Variants in MRPS6 observed in about 807,000 individuals in gnomAD.
The protein encoded by MRPS6 is mitochondrial ribosomal protein S6.
A neutral mutation model predicts 13.1 loss-of-function variants in MRPS6; 6 were observed. That is an observed-to-expected ratio of 0.46 (90% CI 0.25 to 0.91). MRPS6 has a LOEUF of 0.91. MRPS6 is among the 40% of genes least tolerant of loss of function. The pLI is 0.18. For synonymous variants in MRPS6, 61 were observed against 56.5 expected, an observed-to-expected ratio of 1.08 and a Z score of -0.36; for missense variants, 164 against 155.6, an observed-to-expected ratio of 1.05 and a Z score of -0.29.
rs867884991 is a variant in MRPS6 at position 34,090,962 on chromosome 21, C to A, written c.45+17217C>A. Among the ~76,000 whole-genome samples, 4 of 152,318 alleles carry A rather than the reference C, an allele frequency of 2.6e-5. No individual in the cohort carries two copies. In the South Asian group the frequency reaches 8.3e-4, roughly 32 times the overall value. On this transcript the variant is annotated intron_variant, in intron 1 of 2. Coordinates refer to ENST00000399312, the MANE Select transcript of MRPS6 (RefSeq NM_032476.4). ...TCTGTCTGTTGGGGTGGGGAGAAAA[C>A]AAGCTTGGGTATGCCCATGTTTTTT...
At chr21:34,088,833 AG>A (rs1164845234) in intron 1 of MRPS6, among the ~76,000 whole-genome samples, 2 of 152,074 alleles carry the variant, frequency 1.3e-5, no homozygotes, top group Non-Finnish European at 2.9e-5. Flanking sequence ...AACTAGACAC[AG>A]TACCTAGATG....
intron 1 of MRPS6, among the ~76,000 whole-genome samples, chr21:34,094,701 T>C (rs941911174): frequency 1.3e-5 from 2 of 151,888 alleles, no homozygotes; most frequent in African/African-American, 4.8e-5. Flanking sequence ...TGTGATCATA[T>C]AGATTGCTCT....
intron 2 of MRPS6, among the ~76,000 whole-genome samples, chr21:34,129,565 C>T (rs970384534): frequency 6.6e-6 from 1 of 152,120 alleles, no homozygotes; most frequent in Non-Finnish European, 1.5e-5. Flanking sequence ...ATATAAGATG[C>T]CCTTCTATTT....
At chr21:34,094,596 A>C (rs1345352027) in intron 1 of MRPS6, among the ~76,000 whole-genome samples, 1 of 152,222 alleles carries the variant, frequency 6.6e-6, no homozygotes, top group Non-Finnish European at 1.5e-5. Flanking sequence ...TGTGGTAGGC[A>C]GTTAGCTGCT....
At chr21:34,141,119 T>G (rs998628983) in intron 2 of MRPS6, among the ~76,000 whole-genome samples, 1 of 152,232 alleles carries the variant, frequency 6.6e-6, no homozygotes, top group African/African-American at 2.4e-5. Flanking sequence ...CTGTGAGAGC[T>G]CCACATTTCA....
intron 1 of MRPS6, among the ~76,000 whole-genome samples, chr21:34,112,750 A>G (rs1437643830): frequency 3.9e-5 from 6 of 151,934 alleles, no homozygotes; most frequent in Non-Finnish European, 8.8e-5. Flanking sequence ...TCTGGTAACC[A>G]CCATTCTACT....
chr21:34,125,522 C>T, intron 2 of MRPS6, 42 bp downstream of exon 2: 1 of 1,608,376 alleles, frequency 6.2e-7, no homozygotes, highest in South Asian at 1.1e-5. Context: ...TTTTGATAGG[C>T]TCAGTAAAGA....
chr21:34,136,860 A>C (rs1980721788), intron 2 of MRPS6, among the ~76,000 whole-genome samples: 1 of 152,128 alleles, frequency 6.6e-6, no homozygotes, highest in East Asian at 1.9e-4. Context: ...AAAGCTTCTA[A>C]GTTTTATAGC....
At chr21:34,117,670 CA>C (rs1259906116) in intron 1 of MRPS6, among the ~76,000 whole-genome samples, 2 of 152,078 alleles carry the variant, frequency 1.3e-5, no homozygotes, top group East Asian at 3.8e-4. Context: ...TAAGTTGAAC[CA>C]AAATGGCAAT....
intron 1 of MRPS6, chr21:34,103,202 A>G: frequency 1.0e-6 from 1 of 999,888 alleles, no homozygotes; most frequent in Non-Finnish European, 1.2e-6. Context: ...ATGTGTTTGG[A>G]TTAGTGCCTT....
chr21:34,125,312 C>A, intron 1 of MRPS6, 29 bp from the exon 2 acceptor site: 1 of 1,593,972 alleles, frequency 6.3e-7, no homozygotes, highest in African/African-American at 1.4e-5. Context: ...GCTTTTTTTT[C>A]TTTTCTTTAA....
chr21:34,115,466 G>A (rs1276883193), intron 1 of MRPS6, among the ~76,000 whole-genome samples: 2 of 152,154 alleles, frequency 1.3e-5, no homozygotes, highest in Non-Finnish European at 2.9e-5. Context: ...CTGGATTCCA[G>A]TTTTTCCTCT....
chr21:34,120,685 CATTTAT>C (rs1172520314), intron 1 of MRPS6, among the ~76,000 whole-genome samples: 5 of 152,082 alleles, frequency 3.3e-5, no homozygotes, highest in East Asian at 3.9e-4. Flanking sequence ...GTAATTTTAA[CATTTAT>C]ATTTATATGT....
At chr21:34,109,194 G>A (rs1243538554) in intron 1 of MRPS6, among the ~76,000 whole-genome samples, 3 of 151,776 alleles carry the variant, frequency 2.0e-5, no homozygotes, top group East Asian at 1.9e-4. Context: ...AGGTACTGTC[G>A]TCTTCCACTC....
intron 1 of MRPS6, chr21:34,101,358 A>G (rs1221016564): frequency 2.0e-6 from 2 of 1,000,182 alleles, no homozygotes; most frequent in Non-Finnish European, 2.4e-6. Context: ...AGCATTATAA[A>G]GTACGAAGTT....
intron 1 of MRPS6, chr21:34,100,870 T>C (rs1370163262): frequency 1.0e-6 from 1 of 1,000,090 alleles, no homozygotes; most frequent in African/African-American, 1.7e-5. Flanking sequence ...AAGCGGCTTA[T>C]TAGCTACTCA....
intron 1 of MRPS6, among the ~76,000 whole-genome samples, chr21:34,082,964 T>G (rs976374354): frequency 6.6e-6 from 1 of 152,106 alleles, no homozygotes; most frequent in Admixed American, 6.5e-5. Context: ...AAAATGAAAT[T>G]GCAAGTGAAA....
chr21:34,100,654 T>A, intron 1 of MRPS6: 3 of 1,000,220 alleles, frequency 3.0e-6, no homozygotes, highest in Non-Finnish European at 3.6e-6. Flanking sequence ...AACTTCACAT[T>A]TTAAGAACTG....
chr21:34,130,025 G>T (rs185036239), intron 2 of MRPS6, among the ~76,000 whole-genome samples: 1 of 152,282 alleles, frequency 6.6e-6, no homozygotes, highest in South Asian at 2.1e-4. Context: ...TAACTGAGAC[G>T]GTCTAGGAAC....
Sources: gnomAD v4.1 joint callset for allele counts (sites outside exome capture counted in the v4.1 genomes callset) on GRCh38, gnomAD v4.1.1 for gene constraint, MANE v1.5 for transcripts, NCBI Gene and HGNC (gene_info 2026-07-23, HGNC 2026-07-21) for gene names.